Variants in ZMYM2 observed in about 807,000 individuals in gnomAD.
ZMYM2 encodes zinc finger MYM-type protein 2.
Under a neutral mutation model 162.8 loss-of-function variants are expected in ZMYM2, and 56 were observed. The observed-to-expected ratio is 0.34, with a 90% CI of 0.28 to 0.43. The LOEUF is 0.43. Ranked by LOEUF, ZMYM2 falls within the 20% of genes least tolerant of loss-of-function variation. The probability of loss-of-function intolerance (pLI) is 1.00; values close to 1 mark genes in which losing one functional copy is unlikely to be tolerated. For missense variants in ZMYM2, 1,275 were observed against 1,621.8 expected (o/e 0.79, Z 3.67); for synonymous variants, 510 against 541.6 (o/e 0.94, Z 0.81).
the ZMYM2 span, among the ~76,000 whole-genome samples, chr13:19,929,202 A>G: frequency 6.6e-6 from 1 of 151,796 alleles, no homozygotes; most frequent in Non-Finnish European, 1.5e-5. Context: ...AATGTCTTTT[A>G]TTTTTATTGT....
the ZMYM2 span, among the ~76,000 whole-genome samples, chr13:19,866,394 G>A: frequency 6.6e-6 from 1 of 152,054 alleles, no homozygotes; most frequent in Non-Finnish European, 1.5e-5. Flanking sequence ...GGCCCGGTGC[G>A]GTGGCTCACA....
intron 19 of ZMYM2, among the ~76,000 whole-genome samples, chr13:20,065,660 C>A (rs1262257585): frequency 1.3e-5 from 2 of 151,968 alleles, no homozygotes; most frequent in South Asian, 4.1e-4. Flanking sequence ...AAAAACCAGC[C>A]AGGCATGGTG....
At position 20,002,992 on chromosome 13, in the gene ZMYM2, T is replaced by C. The variant is rs1950501831; in HGVS notation, c.990T>C (p.Thr330=). Residue 330 remains threonine (T), a synonymous_variant, in exon 4 of 25, where the codon ACT becomes ACC. Transcript: ENST00000610343. The stretch of plus-strand genomic sequence containing the variant: ...AGCCTACTAAACCAGTTAAAGTCAC[T>C]TGTGCAAACTGCAAAAAACCTTTAC... ...QQQPTKPVKV[T]CANCKKPLQK... 6.2e-7 allele frequency: 1 copy of C among 1,614,172 alleles called. No individual in the cohort carries two copies. The highest frequency in any genetic ancestry group is 1.3e-5 in the African/African-American group (1 of 75,054).
At chr13:19,895,076 CAAAAAAAAA>C in the ZMYM2 span, among the ~76,000 whole-genome samples, 1 of 83,734 alleles carries the variant, frequency 1.2e-5, no homozygotes, top group African/African-American at 4.8e-5. Flanking sequence ...AACTCCATCT[CAAAAAAAAA>C]AAAAAAAAAA....
At chr13:20,085,410 G>T (rs1280882685) in intron 24 of ZMYM2, among the ~76,000 whole-genome samples, 3 of 152,146 alleles carry the variant, frequency 2.0e-5, no homozygotes, top group African/African-American at 7.2e-5. Flanking sequence ...TTTCTATTAT[G>T]TAGTGCTGTA....
the ZMYM2 span, among the ~76,000 whole-genome samples, chr13:19,953,151 A>C: frequency 1.3e-5 from 2 of 152,116 alleles, no homozygotes; most frequent in East Asian, 3.9e-4. Context: ...GAGTCAGTAA[A>C]TTTCTGTTAT....
chr13:19,869,165 CT>C, the ZMYM2 span, among the ~76,000 whole-genome samples: 1 of 152,186 alleles, frequency 6.6e-6, no homozygotes, highest in African/African-American at 2.4e-5. Context: ...TTTACAGTTA[CT>C]TTTTTCCTTA....
chr13:19,959,881 C>T (rs1692907368), intron 1 of ZMYM2, 77 bp from the exon 2 acceptor site: 1 of 152,256 alleles, frequency 6.6e-6, no homozygotes, highest in Non-Finnish European at 1.5e-5. Flanking sequence ...TCTCTGCCTC[C>T]TTCTGGCAGA....
intron 2 of ZMYM2, among the ~76,000 whole-genome samples, chr13:19,977,478 G>GT (rs1956891898): frequency 6.7e-6 from 1 of 149,526 alleles, no homozygotes; most frequent in South Asian, 2.1e-4. Context: ...CATGTCTTAT[G>GT]TTTTTTCCTT....
the ZMYM2 span, among the ~76,000 whole-genome samples, chr13:19,937,842 C>A: frequency 4.2e-4 from 60 of 143,034 alleles, no homozygotes; most frequent in Admixed American, 2.2e-4. Context: ...TCTGTGTCCA[C>A]GTGTTCTCAT....
the ZMYM2 span, among the ~76,000 whole-genome samples, chr13:19,891,869 C>T: frequency 0.016 from 2,373 of 151,988 alleles, 67 homozygotes; most frequent in African/African-American, 0.042. Context: ...AAATAGCAGG[C>T]TTATTACCAT....
chr13:19,873,947 C>G, the ZMYM2 span, among the ~76,000 whole-genome samples: 1 of 152,190 alleles, frequency 6.6e-6, no homozygotes, highest in Non-Finnish European at 1.5e-5. Flanking sequence ...AGGTTTCCAG[C>G]CCATCTGTGC....
rs571687305 is a variant in ZMYM2 at position 20,087,911 on chromosome 13, T to C, written c.*1897T>C. ...TAAGCACTTTTCCTATTAATGCCTA[T>C]TGTTGATTAAAAGGTGGTTAATTCT... On this transcript the variant is annotated 3_prime_UTR_variant, in exon 25 of 25. Coordinates refer to ENST00000610343, the MANE Select transcript of ZMYM2 (RefSeq NM_197968.4). 6.2e-4 allele frequency: 119 copies of C among 190,722 alleles called. No individual in the cohort carries two copies. The highest frequency in any genetic ancestry group is 2.3e-3 in the South Asian group (12 of 5,144). 11.8% of individuals were successfully genotyped at this position (190,722 alleles called of 1,614,324 possible). A position where few individuals can be genotyped will look rare whatever the true frequency, so the allele number is the denominator to read the frequency against.
intron 14 of ZMYM2, 28 bp downstream of exon 14, chr13:20,052,339 A>C (rs1040968296): frequency 2.7e-5 from 42 of 1,558,758 alleles, no homozygotes; most frequent in Non-Finnish European, 3.3e-5. Flanking sequence ...GGAGTGCTGA[A>C]TTGTGATTTT....
the ZMYM2 span, among the ~76,000 whole-genome samples, chr13:19,924,054 A>T: frequency 6.6e-6 from 1 of 152,052 alleles, no homozygotes; most frequent in South Asian, 2.1e-4. Flanking sequence ...CTCACTTTGT[A>T]ACTATCATAA....
chr13:19,894,816 C>T, the ZMYM2 span, among the ~76,000 whole-genome samples: 7 of 151,692 alleles, frequency 4.6e-5, no homozygotes, highest in Non-Finnish European at 7.4e-5. Flanking sequence ...TTAGGACGGA[C>T]GCAGTGGCTC....
At chr13:20,027,684 A>G (rs1952709968) in intron 9 of ZMYM2, among the ~76,000 whole-genome samples, 1 of 152,176 alleles carries the variant, frequency 6.6e-6, no homozygotes. Context: ...AGAAGTGATA[A>G]GAATACTTGC....
chr13:20,006,524 C>T lies in ZMYM2; in HGVS notation c.1450C>T (p.Leu484=). 6.2e-7 allele frequency: 1 copy of T among 1,613,774 alleles called. No homozygotes were observed. The highest frequency in any genetic ancestry group is 8.5e-7 in the Non-Finnish European group (1 of 1,179,810). ...CAGTAAAGGTGCTGGAAATAATGTTCTGGTGATTGATGGTCAACAGAAAAG... is the reference window on the plus strand; with the variant it reads ...CAGTAAAGGTGCTGGAAATAATGTTTTGGTGATTGATGGTCAACAGAAAAG... ...LPSKGAGNNV[L]VIDGQQKRFC... Residue 484 remains leucine (L), a synonymous_variant, in exon 6 of 25, where the codon CTG becomes TTG. Transcript: ENST00000610343.
the ZMYM2 span, among the ~76,000 whole-genome samples, chr13:19,876,319 C>A: frequency 3.8e-3 from 581 of 151,988 alleles, 2 homozygotes; most frequent in Middle Eastern, 0.01. Flanking sequence ...TGAGCCACTA[C>A]GCCTGGCTCT....
Sources: allele counts gnomAD v4.1 joint callset (sites outside exome capture counted in the v4.1 genomes callset), GRCh38; gene constraint gnomAD v4.1.1; transcripts MANE v1.5; gene names NCBI Gene and HGNC (gene_info 2026-07-23, HGNC 2026-07-21).